Variants in SEMA5A observed in about 807,000 individuals in gnomAD.
SEMA5A encodes the protein semaphorin 5A.
Under a neutral mutation model 135.5 loss-of-function variants are expected in SEMA5A, and 55 were observed. The observed-to-expected ratio is 0.41, with a 90% CI of 0.33 to 0.51. The LOEUF (loss-of-function observed/expected upper bound fraction) is 0.51. SEMA5A is among the 20% of genes least tolerant of loss of function. The pLI is 0.37. For synonymous variants in SEMA5A, 580 were observed against 546.5 expected (o/e 1.06, Z -0.85); for missense variants, 1,290 against 1,419.9 (o/e 0.91, Z 1.47).
At chr5:9,194,107 G>T (rs983546538) in intron 10 of SEMA5A, among the ~76,000 whole-genome samples, 6 of 152,122 alleles carry the variant, frequency 3.9e-5, no homozygotes. Context: ...GCTCAGCTGT[G>T]CCACTGGGCC....
chr5:9,323,512 A>G (rs1449894510), intron 4 of SEMA5A, among the ~76,000 whole-genome samples: 1 of 152,216 alleles, frequency 6.6e-6, no homozygotes, highest in Non-Finnish European at 1.5e-5. Context: ...TCCACTTATC[A>G]GAACTATTTA....
At chr5:9,181,673 T>C (rs901584418) in intron 11 of SEMA5A, among the ~76,000 whole-genome samples, 2 of 152,142 alleles carry the variant, frequency 1.3e-5, no homozygotes, top group South Asian at 2.1e-4. Context: ...GGGGATGGGA[T>C]TGATAGAAAC....
chr5:9,323,454 A>G (rs1179171869), intron 4 of SEMA5A, among the ~76,000 whole-genome samples: 4 of 150,818 alleles, frequency 2.7e-5, no homozygotes, highest in Non-Finnish European at 4.5e-5. Flanking sequence ...GTACTTATGT[A>G]TTTGTTAATA....
At chr5:9,533,539 T>G (rs1019787061) in intron 1 of SEMA5A, among the ~76,000 whole-genome samples, 9 of 152,228 alleles carry the variant, frequency 5.9e-5, no homozygotes, top group African/African-American at 2.2e-4. Flanking sequence ...GATACTATTT[T>G]CAGAATACTC....
intron 2 of SEMA5A, among the ~76,000 whole-genome samples, chr5:9,383,160 A>G (rs1755688737): frequency 6.6e-6 from 1 of 152,222 alleles, no homozygotes; most frequent in Admixed American, 6.5e-5. Flanking sequence ...TCACTTTTGA[A>G]AAGGAGTTAC....
Position 9,384,551 on chromosome 5 carries a change from GATAGATAGATAGATAGATAC to G in SEMA5A, c.-77-4548_-77-4529del, listed in dbSNP as rs1554028562. ...CTATAGATAGATAGATAGATAGATA[GATAGATAGATAGATAGATAC>G]ATAGATAGATAGATAGATAGATAGA... On this transcript the variant is annotated intron_variant, in intron 2 of 22. Transcript: ENST00000382496. Among the ~76,000 whole-genome samples the G allele has an allele frequency of 2.2e-3, 257 of 118,652 alleles. 9 individuals carry two copies. Among genetic ancestry groups the G allele is most frequent in the Non-Finnish European group, 3.8e-3 (216 of 56,360 alleles). The allele number at this position is 118,652 out of a possible 152,430, so 77.8% of individuals were successfully genotyped here.
intron 8 of SEMA5A, among the ~76,000 whole-genome samples, chr5:9,219,154 T>G (rs1410612892): frequency 6.6e-6 from 1 of 152,178 alleles, no homozygotes; most frequent in Non-Finnish European, 1.5e-5. Context: ...ATCTCAAAGC[T>G]TCACACCACA....
At position 9,068,956 on chromosome 5, in the gene SEMA5A, C is replaced by A. The variant is rs531315658; in HGVS notation, c.2074-2310G>T. ...AAGCCAGGCAGCACAACCAAGAGTCCTCTCTCAGCAGAGTCATGAAGGATG... is the reference window on the plus strand; with the variant it reads ...AAGCCAGGCAGCACAACCAAGAGTCATCTCTCAGCAGAGTCATGAAGGATG... On this transcript the variant is annotated intron_variant, in intron 16 of 22. Coordinates refer to ENST00000382496, the MANE Select transcript of SEMA5A (RefSeq NM_003966.3). 5.6e-4 allele frequency among the ~76,000 whole-genome samples: 85 copies of A among 152,258 alleles called. 2 individuals are homozygous for A. The South Asian group carries it at 0.015, about 26-fold the overall frequency.
intron 1 of SEMA5A, among the ~76,000 whole-genome samples, chr5:9,501,686 T>C (rs960984834): frequency 1.3e-5 from 2 of 152,106 alleles, no homozygotes; most frequent in African/African-American, 2.4e-5. Flanking sequence ...CTTTAAGTAC[T>C]GACATGAAGA....
chr5:9,169,835 A>G (rs1015627438), intron 11 of SEMA5A, among the ~76,000 whole-genome samples: 1 of 152,190 alleles, frequency 6.6e-6, no homozygotes, highest in Non-Finnish European at 1.5e-5. Flanking sequence ...TATTTGCCCT[A>G]GGACACAAAT....
At chr5:9,359,687 C>T (rs1441639538) in intron 3 of SEMA5A, among the ~76,000 whole-genome samples, 1 of 152,136 alleles carries the variant, frequency 6.6e-6, no homozygotes, top group Non-Finnish European at 1.5e-5. Context: ...TTAATTCCGT[C>T]TTTATATTTG....
intron 1 of SEMA5A, among the ~76,000 whole-genome samples, chr5:9,450,978 T>C (rs1758620903): frequency 6.6e-6 from 1 of 152,174 alleles, no homozygotes; most frequent in Admixed American, 6.5e-5. Flanking sequence ...AATAATTGAA[T>C]ACAGAGCTTT....
At chr5:9,292,447 G>C (rs1031126340) in intron 5 of SEMA5A, among the ~76,000 whole-genome samples, 3 of 152,156 alleles carry the variant, frequency 2.0e-5, no homozygotes, top group Non-Finnish European at 4.4e-5. Context: ...AGTAAGTTGA[G>C]GCAGTGGCTA....
At chr5:9,416,052 CTTG>C (rs1757273512) in intron 2 of SEMA5A, among the ~76,000 whole-genome samples, 2 of 152,208 alleles carry the variant, frequency 1.3e-5, no homozygotes, top group Admixed American at 6.5e-5. Flanking sequence ...AGACTTTCTA[CTTG>C]TTGTTCCAAG....
At chr5:9,449,334 A>C (rs1366031848) in intron 1 of SEMA5A, among the ~76,000 whole-genome samples, 2 of 152,072 alleles carry the variant, frequency 1.3e-5, no homozygotes, top group Non-Finnish European at 2.9e-5. Context: ...ACCAAACACC[A>C]CATGTTCTCA....
At chr5:9,361,765 T>G (rs1276604810) in intron 3 of SEMA5A, among the ~76,000 whole-genome samples, 1 of 152,218 alleles carries the variant, frequency 6.6e-6, no homozygotes, top group Non-Finnish European at 1.5e-5. Flanking sequence ...GTTGGTCTAT[T>G]TTGCGGATCT....
intron 16 of SEMA5A, among the ~76,000 whole-genome samples, chr5:9,087,710 T>C (rs982933507): frequency 3.3e-5 from 5 of 152,126 alleles, no homozygotes; most frequent in Non-Finnish European, 7.4e-5. Flanking sequence ...CCAGTTCATA[T>C]ATAAGGTTAT....
intron 15 of SEMA5A, among the ~76,000 whole-genome samples, chr5:9,111,506 G>A (rs1053093847): frequency 5.9e-5 from 9 of 152,140 alleles, no homozygotes; most frequent in Non-Finnish European, 1.3e-4. Flanking sequence ...AGGGTAACCC[G>A]TGCATGGAAC....
chr5:9,484,951 G>GA (rs1433272850), intron 1 of SEMA5A, among the ~76,000 whole-genome samples: 2 of 152,146 alleles, frequency 1.3e-5, no homozygotes, highest in Non-Finnish European at 2.9e-5. Flanking sequence ...AAAGATACTG[G>GA]ATGTGGACCT....
Sources: gnomAD v4.1 joint callset for allele counts (sites outside exome capture counted in the v4.1 genomes callset) on GRCh38, gnomAD v4.1.1 for gene constraint, MANE v1.5 for transcripts, NCBI Gene and HGNC (gene_info 2026-07-23, HGNC 2026-07-21) for gene names.